Variants in FAM78B observed in about 807,000 individuals in gnomAD.
FAM78B encodes the protein protein FAM78B.
A neutral mutation model predicts 20.0 loss-of-function variants in FAM78B; 10 were observed. The ratio of observed to expected loss-of-function variants is 0.50; its 90% CI spans 0.31 to 0.85. FAM78B has a LOEUF of 0.85. Among genes scored for constraint, FAM78B ranks in the 40% least tolerant of loss-of-function variants. FAM78B has a pLI of 0.05. For synonymous variants in FAM78B, 135 were observed against 132.8 expected (o/e 1.02, Z -0.12); for missense variants, 283 against 345.0 (o/e 0.82, Z 1.42).
chr1:166,142,204 GTGGAGGGTTAGAC>G (rs1168361080), intron 1 of FAM78B, among the ~76,000 whole-genome samples: 1 of 152,206 alleles, frequency 6.6e-6, no homozygotes, highest in African/African-American at 2.4e-5. Context: ...TTATTGGGGA[GTGGAGGGTTAGAC>G]TGCACTTAAA....
chr1:166,102,262 T>C (rs986537440), intron 1 of FAM78B, among the ~76,000 whole-genome samples: 9 of 152,256 alleles, frequency 5.9e-5, no homozygotes, highest in Non-Finnish European at 8.8e-5. Context: ...ACATGCCAAA[T>C]TGTAAAGACC....
At chr1:166,161,980 C>A (rs1656162895) in intron 1 of FAM78B, among the ~76,000 whole-genome samples, 1 of 152,080 alleles carries the variant, frequency 6.6e-6, no homozygotes. Flanking sequence ...CCAAGGAAAG[C>A]ATAGAACAAG....
intron 1 of FAM78B, among the ~76,000 whole-genome samples, chr1:166,083,615 C>T (rs1466307453): frequency 6.6e-6 from 1 of 152,184 alleles, no homozygotes; most frequent in East Asian, 1.9e-4. Context: ...AGTGCTTCTC[C>T]TGCCTCAGCC....
chr1:166,070,498 T>A lies in FAM78B; in HGVS notation c.529A>T (p.Asn177Tyr). ...ATGATCTTCTCCTTTGTGGTGGTGT[T>A]CATGGCCACCAGCCAGGTCGTGAAA... ...QSFTTWLVAM[N>Y]TTTKEKIILQ... is the part of the protein sequence containing the mutation. Residue 177 changes from asparagine to tyrosine, a missense_variant, in exon 2 of 2, where the codon AAC (asparagine) becomes TAC (tyrosine). By Grantham distance (143) the Asn-to-Tyr change is moderately radical (BLOSUM62 -2). Coordinates refer to ENST00000354422, the MANE Select transcript of FAM78B (RefSeq NM_001017961.5). 1 of 1,614,214 alleles carries A rather than the reference T, an allele frequency of 6.2e-7. No homozygotes were observed. Among genetic ancestry groups the A allele is most frequent in the South Asian group, 1.1e-5 (1 of 91,084 alleles).
chr1:166,097,362 A>G (rs1394946402), intron 1 of FAM78B, among the ~76,000 whole-genome samples: 1 of 152,212 alleles, frequency 6.6e-6, no homozygotes. Context: ...CCTCCTGGCC[A>G]GAACTCAGGG....
chr1:166,124,113 T>A (rs1213504573), intron 1 of FAM78B, among the ~76,000 whole-genome samples: 1 of 152,084 alleles, frequency 6.6e-6, no homozygotes. Flanking sequence ...GCAAAACCAA[T>A]CTCCTTGTAG....
At chr1:166,101,860 A>G (rs997539030) in intron 1 of FAM78B, among the ~76,000 whole-genome samples, 1 of 152,194 alleles carries the variant, frequency 6.6e-6, no homozygotes, top group East Asian at 1.9e-4. Flanking sequence ...TACAGAGAAC[A>G]CCACAAAGAT....
intron 1 of FAM78B, among the ~76,000 whole-genome samples, chr1:166,118,144 G>A (rs930828128): frequency 7.9e-5 from 12 of 152,284 alleles, no homozygotes; most frequent in East Asian, 1.9e-4. Context: ...AAAGTTACAC[G>A]GAAGCAGATT....
chr1:166,076,320 T>C (rs1465896838), intron 1 of FAM78B, among the ~76,000 whole-genome samples: 1 of 152,202 alleles, frequency 6.6e-6, no homozygotes, highest in Non-Finnish European at 1.5e-5. Context: ...CATTCTGGCC[T>C]CTGTGCTGTT....
chr1:166,163,011 A>G (rs1475301928), intron 1 of FAM78B, among the ~76,000 whole-genome samples: 1 of 152,152 alleles, frequency 6.6e-6, no homozygotes, highest in Non-Finnish European at 1.5e-5. Flanking sequence ...ACCACCAAAG[A>G]GCGCTGCTTT....
At position 166,070,574 on chromosome 1, in the gene FAM78B, A is replaced by C. The variant is rs960247078; in HGVS notation, c.453T>G (p.Pro151=). 4 of 1,613,848 alleles carry C rather than the reference A, an allele frequency of 2.5e-6. No homozygotes were observed. The highest frequency in any genetic ancestry group is 3.4e-6 in the Non-Finnish European group (4 of 1,179,962). ...NFYPSVTWAV[P]VSDSNVPLLT... The stretch of plus-strand genomic sequence containing the variant: ...GCAGTGGCACATTGCTGTCACTCAC[A>C]GGCACTGCCCATGTCACACTGGGGT... Residue 151 remains proline, a synonymous_variant, in exon 2 of 2, where the codon CCT becomes CCG. Coordinates refer to ENST00000354422, the MANE Select transcript of FAM78B (RefSeq NM_001017961.5).
intron 1 of FAM78B, among the ~76,000 whole-genome samples, chr1:166,124,584 T>G (rs1263067195): frequency 1.3e-5 from 2 of 152,204 alleles, no homozygotes; most frequent in Non-Finnish European, 2.9e-5. Flanking sequence ...CAGAGCCAAG[T>G]TCAAACCCAG....
chr1:166,145,510 C>G (rs1202616565), intron 1 of FAM78B, among the ~76,000 whole-genome samples: 1 of 152,136 alleles, frequency 6.6e-6, no homozygotes, highest in Non-Finnish European at 1.5e-5. Flanking sequence ...CTGCAAGGTA[C>G]AGGATATTTG....
intron 2 of FAM78B, among the ~76,000 whole-genome samples, chr1:166,064,243 A>G (rs1651716036): frequency 6.6e-6 from 1 of 152,192 alleles, no homozygotes; most frequent in Admixed American, 6.5e-5. Context: ...TTGCACCCAC[A>G]CGGCCAAATC....
At chr1:166,126,002 T>C (rs1654629370) in intron 1 of FAM78B, among the ~76,000 whole-genome samples, 1 of 152,104 alleles carries the variant, frequency 6.6e-6, no homozygotes, top group South Asian at 2.1e-4. Context: ...CAGCTAATTT[T>C]TGTATTTTTA....
At chr1:166,117,813 A>G (rs1236984540) in intron 1 of FAM78B, among the ~76,000 whole-genome samples, 1 of 152,182 alleles carries the variant, frequency 6.6e-6, no homozygotes. Flanking sequence ...GTCTGGGAAG[A>G]GCACAGAGGT....
rs1470318749 is a variant in FAM78B at position 166,077,985 on chromosome 1, T to A, written c.264-7222A>T. On this transcript the variant is annotated intron_variant, in intron 1 of 1. Transcript: ENST00000354422. ...TTATATATATAATAAATATATATAA[T>A]TTATATATATAATTATATATATAAT... 3.5e-4 allele frequency among the ~76,000 whole-genome samples: 25 copies of A among 71,764 alleles called. 4 individuals are homozygous for A. The highest frequency in any genetic ancestry group is 1.2e-3 in the Admixed American group (5 of 4,234). 47.1% of individuals were successfully genotyped at this position (71,764 alleles called of 152,430 possible).
exon 3 of FAM78B, chr1:166,058,903 G>A (rs534606125): frequency 2.0e-5 from 3 of 152,572 alleles, no homozygotes; most frequent in African/African-American, 7.2e-5. Flanking sequence ...TGGCTGAGGA[G>A]GTTGGTTGTT....
intron 2 of FAM78B, among the ~76,000 whole-genome samples, chr1:166,063,071 C>T (rs1316876658): frequency 6.6e-6 from 1 of 152,234 alleles, no homozygotes; most frequent in African/African-American, 2.4e-5. Flanking sequence ...GGCAATATCT[C>T]CTTACAGGCA....
Sources: gnomAD v4.1 joint callset for allele counts (sites outside exome capture counted in the v4.1 genomes callset) on GRCh38, gnomAD v4.1.1 for gene constraint, MANE v1.5 for transcripts, NCBI Gene and HGNC (gene_info 2026-07-23, HGNC 2026-07-21) for gene names.